The following PSD3 variants were observed in gnomAD, a reference collection of about 807,000 sequenced individuals.
PSD3 encodes the protein PH and SEC7 domain-containing protein 3.
In PSD3, 49 loss-of-function variants were observed where a neutral mutation model predicts 105.5. The observed-to-expected ratio is 0.46, with a 90% CI of 0.37 to 0.59. The LOEUF is 0.59. Among genes scored for constraint, PSD3 ranks in the 20% least tolerant of loss-of-function variants. PSD3 has a pLI of 0.00. For synonymous variants in PSD3, 557 were observed against 457.8 expected, an observed-to-expected ratio of 1.22 and a Z score of -2.77; for missense variants, 1,561 against 1,263.8, an observed-to-expected ratio of 1.24 and a Z score of -3.57.
intron 1 of PSD3, among the ~76,000 whole-genome samples, chr8:19,022,201 C>G (rs185062869): frequency 6.6e-6 from 1 of 152,192 alleles, no homozygotes; most frequent in South Asian, 2.1e-4. Context: ...CATGAGGGAT[C>G]TGTCCCCATG....
At chr8:18,967,611 T>C (rs1398729978) in intron 1 of PSD3, among the ~76,000 whole-genome samples, 2 of 152,160 alleles carry the variant, frequency 1.3e-5, no homozygotes, top group African/African-American at 2.4e-5. Context: ...CCACAAAACA[T>C]CTTAGAACCT....
chr8:19,070,725 C>G (rs1447140173), intron 1 of PSD3, among the ~76,000 whole-genome samples: 2 of 152,072 alleles, frequency 1.3e-5, no homozygotes, highest in East Asian at 3.9e-4. Flanking sequence ...TATTTTCTTT[C>G]AGTACCTAGT....
intron 2 of PSD3, among the ~76,000 whole-genome samples, chr8:18,907,152 AT>A (rs1030656111): frequency 2.0e-5 from 3 of 152,162 alleles, no homozygotes; most frequent in African/African-American, 7.2e-5. Flanking sequence ...AAAGATAAAT[AT>A]TTTTTATAAA....
At chr8:19,047,373 C>T (rs1828357197) in intron 1 of PSD3, among the ~76,000 whole-genome samples, 1 of 152,148 alleles carries the variant, frequency 6.6e-6, no homozygotes. Context: ...GGAGAGGCCA[C>T]AAGATGCTCA....
intron 9 of PSD3, among the ~76,000 whole-genome samples, chr8:18,716,331 A>C (rs1307712205): frequency 1.3e-5 from 2 of 152,144 alleles, no homozygotes; most frequent in African/African-American, 2.4e-5. Flanking sequence ...GCAAGAGGAG[A>C]GGGAAATATA....
At chr8:18,663,209 T>A (rs1809486181) in intron 9 of PSD3, among the ~76,000 whole-genome samples, 2 of 152,100 alleles carry the variant, frequency 1.3e-5, no homozygotes, top group Non-Finnish European at 2.9e-5. Context: ...GGAGGATCAC[T>A]TGAGCCCAGG....
chr8:18,612,969 G>C (rs1805375631), intron 11 of PSD3, among the ~76,000 whole-genome samples: 1 of 151,942 alleles, frequency 6.6e-6, no homozygotes, highest in African/African-American at 2.4e-5. Flanking sequence ...GCCATTACTA[G>C]ACGTGCAGGA....
intron 4 of PSD3, among the ~76,000 whole-genome samples, chr8:18,833,586 A>C (rs1452136529): frequency 2.0e-5 from 3 of 152,236 alleles, no homozygotes; most frequent in African/African-American, 7.2e-5. Flanking sequence ...CTTTGGGGTT[A>C]AAATGAGTTT....
At chr8:18,706,457 T>C (rs912828490) in intron 9 of PSD3, among the ~76,000 whole-genome samples, 1 of 152,176 alleles carries the variant, frequency 6.6e-6, no homozygotes, top group Non-Finnish European at 1.5e-5. Context: ...CTAAAAGGAA[T>C]TGATTCTAAC....
intron 12 of PSD3, among the ~76,000 whole-genome samples, chr8:18,595,303 C>T (rs1440871396): frequency 7.1e-6 from 1 of 141,410 alleles, no homozygotes; most frequent in South Asian, 2.2e-4. Flanking sequence ...AAAAGGAATA[C>T]TAATAAGAGT....
rs371401411 is a variant in PSD3, at chr8:18,936,057, G to A, written c.107C>T (p.Ser36Phe). The change falls in exon 2 of 16, where the codon TCT becomes TTT. Residue 36 changes from serine (S) to phenylalanine (F), a missense_variant. Ser to Phe is a radical substitution (Grantham distance 155). Transcript: ENST00000327040. ...KAKYEFLFGR[S>F]EGKAPDTSDH... The stretch of plus-strand genomic sequence containing the variant: ...ACTAGTATCTGGAGCTTTCCCTTCA[G>A]ATCTGCCAAATAAAAATTCATATTT... 15 of 1,612,166 alleles carry A rather than the reference G, an allele frequency of 9.3e-6. No individual in the cohort carries two copies. The highest frequency in any genetic ancestry group is 1.2e-5 in the Non-Finnish European group (14 of 1,178,784).
chr8:18,554,522 T>C (rs997806707), intron 15 of PSD3, among the ~76,000 whole-genome samples: 1 of 152,186 alleles, frequency 6.6e-6, no homozygotes, highest in Non-Finnish European at 1.5e-5. Context: ...TGCTTGACCA[T>C]GAAGAAAACT....
intron 1 of PSD3, among the ~76,000 whole-genome samples, chr8:19,076,431 A>G (rs975716562): frequency 2.0e-5 from 3 of 152,118 alleles, no homozygotes; most frequent in Admixed American, 6.6e-5. Flanking sequence ...AAAAACTACT[A>G]AAAATAAAAA....
intron 12 of PSD3, among the ~76,000 whole-genome samples, chr8:18,586,834 C>G (rs1803223555): frequency 6.6e-6 from 1 of 152,096 alleles, no homozygotes; most frequent in Non-Finnish European, 1.5e-5. Context: ...AGCCCTTGGA[C>G]AGGATTCCTT....
At chr8:18,817,109 G>A (rs1040827737) in intron 4 of PSD3, among the ~76,000 whole-genome samples, 1 of 152,176 alleles carries the variant, frequency 6.6e-6, no homozygotes, top group Admixed American at 6.5e-5. Flanking sequence ...AAGGGGAAGA[G>A]GAGTTAAAGA....
intron 1 of PSD3, among the ~76,000 whole-genome samples, chr8:18,966,568 TA>T (rs34134930): frequency 0.67 from 90,508 of 135,886 alleles, 29,927 homozygotes; most frequent in Middle Eastern, 0.76. Context: ...GAGACTGTCT[TA>T]AAAAAAAAAA....
chr8:18,556,767 A>C (rs1801100933), intron 14 of PSD3, among the ~76,000 whole-genome samples: 2 of 152,218 alleles, frequency 1.3e-5, no homozygotes, highest in Non-Finnish European at 2.9e-5. Flanking sequence ...TCCATCCATC[A>C]CAATGAATGA....
At chr8:18,616,354 C>T (rs1024289711) in intron 11 of PSD3, among the ~76,000 whole-genome samples, 1 of 152,200 alleles carries the variant, frequency 6.6e-6, no homozygotes, top group Admixed American at 6.5e-5. Flanking sequence ...GCCCTGCAAA[C>T]AGAAGTAGCT....
rs553446610 is a variant in PSD3, at chr8:18,614,521, G to C, written c.2411-14087C>G. ...ATTATTCCAATAAGACATTGAATAT[G>C]GGAATAAGGTATCAGTAAACACCCA... On this transcript the variant is annotated intron_variant, in intron 11 of 15. Transcript: ENST00000327040. Among the ~76,000 whole-genome samples the C allele has an allele frequency of 3.3e-5, 5 of 152,146 alleles. No homozygotes were observed. The South Asian group carries it at 1.0e-3, about 32-fold the overall frequency.
Sources: allele counts gnomAD v4.1 joint callset (sites outside exome capture counted in the v4.1 genomes callset), GRCh38; gene constraint gnomAD v4.1.1; transcripts MANE v1.5; gene names NCBI Gene and HGNC (gene_info 2026-07-23, HGNC 2026-07-21).